The following NR4A1 variants were observed in gnomAD, a reference collection of about 807,000 sequenced individuals.
The protein encoded by NR4A1 is nuclear receptor subfamily 4immunitygroup A member 1.
In NR4A1, 24 loss-of-function variants were observed where a neutral mutation model predicts 47.5. The observed-to-expected ratio is 0.50, with a 90% CI of 0.37 to 0.71. The LOEUF is 0.71. Among genes scored for constraint, NR4A1 ranks in the 30% least tolerant of loss-of-function variants. The pLI is 0.00. For synonymous variants in NR4A1, 353 were observed against 345.7 expected (o/e 1.02, Z -0.24); for missense variants, 669 against 788.6 (o/e 0.85, Z 1.82).
upstream of NR4A1, among the ~76,000 whole-genome samples, chr12:52,050,773 G>C (rs1938881457): frequency 2.0e-5 from 3 of 152,182 alleles, no homozygotes; most frequent in South Asian, 6.2e-4. Flanking sequence ...GGGAAGCCGC[G>C]TCCTGTGCAC....
In NR4A1 at chr12:52,057,065, G is replaced by A. The variant is rs373123047; in HGVS notation, c.1167G>A (p.Glu389=). Residue 389 remains glutamate, a synonymous_variant, in exon 5 of 7, where the codon GAG becomes GAA. Coordinates refer to ENST00000394825, the MANE Select transcript of NR4A1 (RefSeq NM_173157.3). ...TAKLDYSKFQ[E]LVLPHFGKED... The stretch of plus-strand genomic sequence containing the variant: ...CTGGACCGTCTTCCTAGTTCCAGGA[G>A]CTGGTGCTGCCCCACTTTGGGAAGG... The A allele has an allele frequency of 6.2e-7, 1 of 1,600,762 alleles. No homozygotes were observed. The highest frequency in any genetic ancestry group is 8.5e-7 in the Non-Finnish European group (1 of 1,173,146).
intron 2 of NR4A1, among the ~76,000 whole-genome samples, chr12:52,042,219 A>G (rs569745960): frequency 5.9e-4 from 90 of 152,210 alleles, no homozygotes; most frequent in Non-Finnish European, 1.1e-3. Flanking sequence ...GCTGCTCCCA[A>G]GGCAGCATGT....
Position 52,054,385 on chromosome 12 carries a change from C to T in NR4A1, c.57C>T (p.Asp19=). The change falls in exon 2 of 7, where the codon GAC becomes GAT. Residue 19 remains aspartate, a synonymous_variant. Coordinates refer to ENST00000394825, the MANE Select transcript of NR4A1 (RefSeq NM_173157.3). ...GTPAPSPGPR[D]HLASDPLTPE... is the part of the protein sequence containing the mutation. ...CAGCACCGAGTCCGGGACCCCGTGACCACCTGGCAAGCGACCCCCTGACCC... is the reference window on the plus strand; with the variant it reads ...CAGCACCGAGTCCGGGACCCCGTGATCACCTGGCAAGCGACCCCCTGACCC... The T allele has an allele frequency of 6.2e-7, 1 of 1,613,634 alleles. No homozygotes were observed. Among genetic ancestry groups the T allele is most frequent in the Non-Finnish European group, 8.5e-7 (1 of 1,179,774 alleles).
At chr12:52,056,325 G>T in intron 3 of NR4A1, 166 bp downstream of exon 3, 1 of 1,357,624 alleles carries the variant, frequency 7.4e-7, no homozygotes, top group Non-Finnish European at 9.9e-7. Flanking sequence ...CACCTGCCTG[G>T]ATTGTGAGGG....
intron 1 of NR4A1, among the ~76,000 whole-genome samples, chr12:52,041,574 C>T (rs1232324666): frequency 6.6e-6 from 1 of 152,158 alleles, no homozygotes; most frequent in Non-Finnish European, 1.5e-5. Context: ...TGAAATGCCC[C>T]AGATGCTATC....
intron 1 of NR4A1, among the ~76,000 whole-genome samples, chr12:52,033,813 G>A (rs1266356803): frequency 6.6e-6 from 1 of 152,232 alleles, no homozygotes; most frequent in African/African-American, 2.4e-5. Context: ...TCCTCAAGAA[G>A]AGGAAGGAAA....
chr12:52,039,659 C>T (rs1565642371), intron 1 of NR4A1, among the ~76,000 whole-genome samples: 1 of 152,252 alleles, frequency 6.6e-6, no homozygotes, highest in South Asian at 2.1e-4. Flanking sequence ...CCTGCCAGTG[C>T]TGAGCAGGGT....
At chr12:52,056,767 G>T in intron 4 of NR4A1, 122 bp downstream of exon 4, 2 of 397,058 alleles carry the variant, frequency 5.0e-6, no homozygotes, top group Non-Finnish European at 4.8e-6. Flanking sequence ...AAAAAAGAAA[G>T]AAAGAAAAGC....
chr12:52,027,762 C>T (rs368625167), intron 1 of NR4A1, among the ~76,000 whole-genome samples: 1 of 152,218 alleles, frequency 6.6e-6, no homozygotes, highest in African/African-American at 2.4e-5. Context: ...GGGGCACCCA[C>T]ACACTCTGAT....
intron 1 of NR4A1, among the ~76,000 whole-genome samples, chr12:52,024,510 C>CA (rs1420433906): frequency 2.6e-5 from 4 of 152,132 alleles, no homozygotes; most frequent in Admixed American, 6.5e-5. Context: ...ACCTGAGCAA[C>CA]ATAGCAAGAC....
intron 1 of NR4A1, among the ~76,000 whole-genome samples, chr12:52,031,086 G>C (rs1302276200): frequency 6.6e-6 from 1 of 152,110 alleles, no homozygotes; most frequent in Non-Finnish European, 1.5e-5. Context: ...TGCTGTCACA[G>C]CTCGCTACAG....
chr12:52,044,968 G>C (rs1423972749), intron 2 of NR4A1, among the ~76,000 whole-genome samples: 2 of 151,700 alleles, frequency 1.3e-5, no homozygotes, highest in African/African-American at 2.4e-5. Context: ...ATTTCTTCTG[G>C]CCTGAGAGGG....
chr12:52,030,723 C>G (rs1183631944), intron 1 of NR4A1, among the ~76,000 whole-genome samples: 1 of 152,164 alleles, frequency 6.6e-6, no homozygotes, highest in Non-Finnish European at 1.5e-5. Context: ...GCCACCACAC[C>G]TGGCCTACTT....
upstream of NR4A1, among the ~76,000 whole-genome samples, chr12:52,050,025 T>C (rs1469237029): frequency 6.6e-6 from 1 of 152,136 alleles, no homozygotes; most frequent in African/African-American, 2.4e-5. Context: ...CTCATGGATA[T>C]TGACTTACAT....
At chr12:52,056,782 C>G (rs1191437366) in intron 4 of NR4A1, 137 bp downstream of exon 4, 2 of 949,890 alleles carry the variant, frequency 2.1e-6, no homozygotes, top group East Asian at 2.7e-5. Context: ...AAAAGCGACT[C>G]CCTCCAGTTC....
At position 52,056,474 on chromosome 12, in the gene NR4A1, C is replaced by G. The variant is rs777077659; in HGVS notation, c.1007-20C>G. 2.5e-6 allele frequency: 4 copies of G among 1,611,370 alleles called. No individual in the cohort carries two copies. Among genetic ancestry groups the G allele is most frequent in the Admixed American group, 1.7e-5 (1 of 59,526 alleles). On this transcript the variant is annotated intron_variant, in intron 3 of 6. Coordinates refer to ENST00000394825, the MANE Select transcript of NR4A1 (RefSeq NM_173157.3). ...TTCCTCAGATCCCTTCCTTCCTCAC[C>G]CCTACCCATTCCTTTGCAGTTGTCC...
chr12:52,052,037 G>C (rs1938987349), intron 1 of NR4A1, among the ~76,000 whole-genome samples: 1 of 152,148 alleles, frequency 6.6e-6, no homozygotes, highest in African/African-American at 2.4e-5. Context: ...CCAGTGTCCC[G>C]GTTGTTTTCT....
intron 6 of NR4A1, among the ~76,000 whole-genome samples, chr12:52,058,240 C>CT (rs749785790): frequency 2.7e-4 from 41 of 152,116 alleles, no homozygotes; most frequent in Non-Finnish European, 5.6e-4. Flanking sequence ...TCAGATTTCT[C>CT]TGTTTTTTAA....
At chr12:52,044,170 G>A (rs1483073674) in intron 2 of NR4A1, among the ~76,000 whole-genome samples, 2 of 152,202 alleles carry the variant, frequency 1.3e-5, no homozygotes, top group African/African-American at 4.8e-5. Context: ...TTCCCCACAG[G>A]GTGTCCGTCC....
Sources: gnomAD v4.1 joint callset for allele counts (sites outside exome capture counted in the v4.1 genomes callset) on GRCh38, gnomAD v4.1.1 for gene constraint, MANE v1.5 for transcripts, NCBI Gene and HGNC (gene_info 2026-07-23, HGNC 2026-07-21) for gene names.